AP4E1: variants seen among roughly 807,000 people sequenced by gnomAD.
AP4E1 encodes adaptor related protein complex 4 subunit epsilon 1, also known as AP-4 complex subunit epsilon-1.
A neutral mutation model predicts 128.2 loss-of-function variants in AP4E1; 56 were observed. That is an observed-to-expected ratio of 0.44 (90% CI 0.35 to 0.55). The LOEUF (loss-of-function observed/expected upper bound fraction) is 0.55. AP4E1 is among the 20% of genes least tolerant of loss of function. The pLI is 0.00. For missense variants in AP4E1, 1,324 were observed against 1,307.7 expected, an observed-to-expected ratio of 1.01 and a Z score of -0.19; for synonymous variants, 484 against 473.1, an observed-to-expected ratio of 1.02 and a Z score of -0.30.
chr15:50,972,148 A>G (rs1312985080), intron 15 of AP4E1, among the ~76,000 whole-genome samples: 1 of 152,188 alleles, frequency 6.6e-6, no homozygotes, highest in African/African-American at 2.4e-5. Flanking sequence ...ATAAATGTTC[A>G]GTAGGGTACT....
At position 50,958,508 on chromosome 15, in the gene AP4E1, C is replaced by A; in HGVS notation, c.1565C>A (p.Ser522Tyr). The A allele has an allele frequency of 6.2e-7, 1 of 1,611,916 alleles. No homozygotes were observed. The highest frequency in any genetic ancestry group is 1.1e-5 in the South Asian group (1 of 90,896). The change falls in exon 14 of 21, where the codon TCC becomes TAC. Residue 522 changes from serine to tyrosine, a missense_variant. Ser to Tyr is a moderately radical substitution (Grantham distance 144). Transcript: ENST00000261842. ...QVMSWVLGEY[S>Y]YLLDKETPEE... is the part of the protein sequence containing the mutation. ...TATTTACAGGTATTAGGGGAATATT[C>A]CTACCTCTTAGATAAGGAAACGCCA... is the stretch of plus-strand genomic sequence containing the variant.
Position 50,919,272 on chromosome 15 carries a change from C to T in AP4E1, c.346+3701C>T, listed in dbSNP as rs567654629. 6.6e-5 allele frequency among the ~76,000 whole-genome samples: 10 copies of T among 151,406 alleles called. No homozygotes were observed. The South Asian group carries it at 8.3e-4, about 13-fold the overall frequency. ...ATGTGGCCAGGCACGGTGGCTCACA[C>T]CTGTAATCCCAGCACTTTGGGAGGC... On this transcript the variant is annotated intron_variant, in intron 3 of 20. Transcript: ENST00000261842.
intron 13 of AP4E1, among the ~76,000 whole-genome samples, chr15:50,953,102 G>C (rs1315049258): frequency 3.3e-5 from 5 of 152,088 alleles, no homozygotes; most frequent in African/African-American, 1.2e-4. Context: ...GCATTATAAA[G>C]GTATCTTTCC....
At chr15:50,934,308 T>C (rs540744224) in intron 7 of AP4E1, among the ~76,000 whole-genome samples, 1 of 152,186 alleles carries the variant, frequency 6.6e-6, no homozygotes, top group Non-Finnish European at 1.5e-5. Context: ...CTTAGAAATA[T>C]TCTATTGAAA....
chr15:50,973,948 G>A (rs978412595), intron 15 of AP4E1, among the ~76,000 whole-genome samples: 1 of 152,084 alleles, frequency 6.6e-6, no homozygotes, highest in South Asian at 2.1e-4. Context: ...AAGTGAGATT[G>A]TTGGAGCATA....
chr15:50,977,748 TC>T (rs1334571450), intron 15 of AP4E1, among the ~76,000 whole-genome samples: 1 of 146,570 alleles, frequency 6.8e-6, no homozygotes, highest in Non-Finnish European at 1.5e-5. Context: ...CTCTCTGTTG[TC>T]CAGGCTGGAG....
chr15:50,986,704 G>T (rs1423282105), intron 16 of AP4E1, among the ~76,000 whole-genome samples: 1 of 152,168 alleles, frequency 6.6e-6, no homozygotes, highest in African/African-American at 2.4e-5. Context: ...GCTGGATTTG[G>T]TTTGCCAGTA....
At chr15:50,932,490 C>T (rs1037714330) in intron 7 of AP4E1, among the ~76,000 whole-genome samples, 33 of 152,248 alleles carry the variant, frequency 2.2e-4, no homozygotes, top group African/African-American at 7.2e-4. Flanking sequence ...TGAGAGCAAG[C>T]CCCTTGAGAT....
intron 8 of AP4E1, among the ~76,000 whole-genome samples, chr15:50,936,839 CAGG>C (rs1288213235): frequency 6.6e-6 from 1 of 151,964 alleles, no homozygotes; most frequent in East Asian, 1.9e-4. Flanking sequence ...GAGGCTGATG[CAGG>C]AGAATTGCTT....
intron 7 of AP4E1, 153 bp from the exon 8 acceptor site, chr15:50,934,471 C>G: frequency 3.4e-6 from 2 of 594,656 alleles, no homozygotes; most frequent in Non-Finnish European, 6.1e-6. Flanking sequence ...AACAGCAAAC[C>G]TTTTAAGAAG....
intron 14 of AP4E1, among the ~76,000 whole-genome samples, chr15:50,965,756 T>A (rs996839600): frequency 6.6e-6 from 1 of 152,194 alleles, no homozygotes; most frequent in African/African-American, 2.4e-5. Flanking sequence ...TCCCTTTTAT[T>A]TTGTCAATCT....
intron 15 of AP4E1, among the ~76,000 whole-genome samples, chr15:50,971,974 A>G (rs1265751442): frequency 6.6e-6 from 1 of 152,100 alleles, no homozygotes; most frequent in African/African-American, 2.4e-5. Flanking sequence ...GGGGTCTGTT[A>G]CTAGAAATTT....
chr15:50,908,751 G>C lies in AP4E1; in HGVS notation c.-28G>C. On this transcript the variant is annotated 5_prime_UTR_variant, in exon 1 of 21. Coordinates refer to ENST00000261842, the MANE Select transcript of AP4E1 (RefSeq NM_007347.5). ...GCCGGGCGGCTACGGGATCGCGGGC[G>C]GCGGCGGCATCGCGGGCGGCGGCGG... 2 of 1,507,032 alleles carry C rather than the reference G, an allele frequency of 1.3e-6. No individual in the cohort carries two copies. Among genetic ancestry groups the C allele is most frequent in the Non-Finnish European group, 1.8e-6 (2 of 1,130,074 alleles). 93.4% of individuals were successfully genotyped at this position (1,507,032 alleles called of 1,614,324 possible).
intron 6 of AP4E1, among the ~76,000 whole-genome samples, chr15:50,929,672 C>T (rs1232348125): frequency 1.3e-5 from 2 of 151,918 alleles, no homozygotes; most frequent in Admixed American, 6.6e-5. Flanking sequence ...TTGCCTGAAA[C>T]CATTTGTGTT....
At chr15:50,909,843 G>A (rs1147130) in intron 1 of AP4E1, among the ~76,000 whole-genome samples, 85,921 of 151,838 alleles carry the variant, frequency 0.57, 24,486 homozygotes, top group South Asian at 0.62. Context: ...GCCCGCCACT[G>A]CCTGGCTAAT....
rs537161777 is a variant in AP4E1 at position 50,964,182 on chromosome 15, T to G, written c.1852-4081T>G. ...TGTCTCATATGTCATGTATGCTTTC[T>G]TTGTTTTATTTATTTATTTTTGTCT... On this transcript the variant is annotated intron_variant, in intron 14 of 20. Transcript: ENST00000261842. 2.6e-5 allele frequency among the ~76,000 whole-genome samples: 4 copies of G among 152,328 alleles called. No homozygotes were observed. The East Asian group carries it at 7.7e-4, about 29-fold the overall frequency.
intron 13 of AP4E1, among the ~76,000 whole-genome samples, chr15:50,950,520 A>C (rs953695745): frequency 1.3e-5 from 2 of 152,190 alleles, no homozygotes; most frequent in African/African-American, 4.8e-5. Context: ...TTTTAACCAA[A>C]TAGAAGGAGG....
chr15:50,993,531 C>G lies in AP4E1; in HGVS notation c.2252C>G (p.Ser751Cys). Residue 751 changes from serine to cysteine, a missense_variant, in exon 17 of 21, where the codon TCT becomes TGT. Physicochemically the swap from Ser to Cys is moderately radical, Grantham distance 112. Coordinates refer to ENST00000261842, the MANE Select transcript of AP4E1 (RefSeq NM_007347.5). ...VDQAITKKDQ[S>C]QVLTQSKEEK... Reference sequence around the variant, plus strand: ...CAAGCTATAACTAAAAAGGATCAATCTCAAGTTCTTACCCAATCTAAAGAG... The same window carrying G: ...CAAGCTATAACTAAAAAGGATCAATGTCAAGTTCTTACCCAATCTAAAGAG... The G allele has an allele frequency of 6.2e-7, 1 of 1,613,980 alleles. No homozygotes were observed. Among genetic ancestry groups the G allele is most frequent in the Non-Finnish European group, 8.5e-7 (1 of 1,179,946 alleles).
intron 16 of AP4E1, among the ~76,000 whole-genome samples, chr15:50,989,524 T>C (rs2064775731): frequency 6.6e-6 from 1 of 152,156 alleles, no homozygotes. Context: ...CTCCTTATTT[T>C]CTTTCCCAGA....
Sources: allele counts gnomAD v4.1 joint callset (sites outside exome capture counted in the v4.1 genomes callset), GRCh38; gene constraint gnomAD v4.1.1; transcripts MANE v1.5; gene names NCBI Gene and HGNC (gene_info 2026-07-23, HGNC 2026-07-21).